SDK1: variants seen among roughly 807,000 people sequenced by gnomAD.
The protein encoded by SDK1 is protein sidekick-1.
Under a neutral mutation model 245.5 loss-of-function variants are expected in SDK1, and 157 were observed. The ratio of observed to expected loss-of-function variants is 0.64; its 90% confidence interval spans 0.56 to 0.73. SDK1 has a LOEUF of 0.73. Among genes scored for constraint, SDK1 ranks in the 30% least tolerant of loss-of-function variants. SDK1 has a pLI of 0.00. For synonymous variants in SDK1, 1,647 were observed against 1,278.5 expected (o/e 1.29, Z -6.15); for missense variants, 3,583 against 3,002.3 (o/e 1.19, Z -4.52).
At chr7:3,853,849 C>T (rs1006853614) in intron 5 of SDK1, among the ~76,000 whole-genome samples, 1 of 152,032 alleles carries the variant, frequency 6.6e-6, no homozygotes, top group Non-Finnish European at 1.5e-5. Context: ...ATTAGCTAGG[C>T]TTGGTGGCGC....
intron 40 of SDK1, among the ~76,000 whole-genome samples, chr7:4,223,992 G>A (rs559170839): frequency 3.9e-5 from 6 of 152,198 alleles, no homozygotes; most frequent in African/African-American, 9.6e-5. Flanking sequence ...CTGGGATAAC[G>A]GTGGCCACAG....
At chr7:3,912,436 G>A (rs1316257376) in intron 5 of SDK1, among the ~76,000 whole-genome samples, 4 of 152,232 alleles carry the variant, frequency 2.6e-5, no homozygotes, top group Non-Finnish European at 5.9e-5. Context: ...CAACACCAGC[G>A]TGCCACAGAG....
intron 19 of SDK1, among the ~76,000 whole-genome samples, chr7:4,062,828 C>T (rs1334317663): frequency 6.6e-6 from 1 of 152,186 alleles, no homozygotes; most frequent in African/African-American, 2.4e-5. Flanking sequence ...TGTGATACAT[C>T]ACTCCAACAT....
chr7:3,463,853 G>A (rs1780908088), intron 1 of SDK1, among the ~76,000 whole-genome samples: 1 of 152,146 alleles, frequency 6.6e-6, no homozygotes, highest in Non-Finnish European at 1.5e-5. Context: ...GGTGACTTTG[G>A]AACCTGAATT....
chr7:4,157,338 A>C (rs1780797696), intron 30 of SDK1, among the ~76,000 whole-genome samples: 1 of 147,838 alleles, frequency 6.8e-6, no homozygotes. Context: ...GAAGGGAGAG[A>C]AGGGAAGAAG....
intron 41 of SDK1, among the ~76,000 whole-genome samples, chr7:4,237,195 T>G (rs1562467414): frequency 1.3e-5 from 2 of 152,050 alleles, no homozygotes; most frequent in Non-Finnish European, 1.5e-5. Context: ...CCTGGCTGTT[T>G]TTTTGTTTTG....
chr7:3,795,258 A>AT (rs1005784425), intron 4 of SDK1, among the ~76,000 whole-genome samples: 17 of 151,400 alleles, frequency 1.1e-4, no homozygotes, highest in Middle Eastern at 3.4e-3. Context: ...TGTGGCTGTG[A>AT]TTTTTTTTTC....
intron 4 of SDK1, among the ~76,000 whole-genome samples, chr7:3,752,092 C>A (rs1210547474): frequency 6.6e-6 from 1 of 152,184 alleles, no homozygotes; most frequent in Non-Finnish European, 1.5e-5. Context: ...TAAACACTTT[C>A]TAAGTTACTG....
Position 4,122,418 on chromosome 7 carries a change from G to A in SDK1, c.3824-4963G>A, listed in dbSNP as rs958319780. 2.6e-5 allele frequency among the ~76,000 whole-genome samples: 4 copies of A among 152,122 alleles called. No homozygotes were observed. In the East Asian group the frequency reaches 7.7e-4, roughly 29 times the overall value. On this transcript the variant is annotated intron_variant, in intron 25 of 44. Transcript: ENST00000404826. ...GGATTGGAGAGAGAATAAAACAACT[G>A]CCTTTTGTCTGAAATAAGTCTCCCC...
intron 43 of SDK1, among the ~76,000 whole-genome samples, chr7:4,244,881 G>T (rs1031616887): frequency 3.3e-5 from 5 of 152,164 alleles, no homozygotes; most frequent in African/African-American, 7.2e-5. Context: ...GCCGCTCATG[G>T]TCCCCTGCCA....
intron 1 of SDK1, among the ~76,000 whole-genome samples, chr7:3,531,048 T>A (rs1383291787): frequency 1.3e-5 from 2 of 152,182 alleles, no homozygotes; most frequent in Admixed American, 1.3e-4. Context: ...TAACTCTGCT[T>A]CATATACCAG....
At chr7:3,981,929 G>A (rs958929240) in intron 13 of SDK1, among the ~76,000 whole-genome samples, 1 of 152,266 alleles carries the variant, frequency 6.6e-6, no homozygotes, top group Non-Finnish European at 1.5e-5. Flanking sequence ...GGTGGCTACA[G>A]TAACAAGAAA....
At chr7:4,067,123 T>G (rs1192909450) in intron 19 of SDK1, among the ~76,000 whole-genome samples, 1 of 152,238 alleles carries the variant, frequency 6.6e-6, no homozygotes, top group Non-Finnish European at 1.5e-5. Context: ...TTATTTTCCC[T>G]GCTTCACACA....
chr7:3,349,307 G>A (rs187531154), intron 1 of SDK1, among the ~76,000 whole-genome samples: 58 of 152,166 alleles, frequency 3.8e-4, no homozygotes, highest in African/African-American at 1.4e-3. Context: ...ACCCTTATTA[G>A]ACTGTGGTTC....
chr7:3,613,217 C>G (rs73298214), intron 1 of SDK1, among the ~76,000 whole-genome samples: 1 of 152,028 alleles, frequency 6.6e-6, no homozygotes, highest in Non-Finnish European at 1.5e-5. Flanking sequence ...TTAGGGAAGC[C>G]GGGGGACGCA....
chr7:4,260,589 T>G (rs1455321856), intron 44 of SDK1, among the ~76,000 whole-genome samples: 3 of 132,914 alleles, frequency 2.3e-5, no homozygotes, highest in East Asian at 2.4e-4. Flanking sequence ...GGGGCCTCTG[T>G]GTGTGTGGGA....
intron 1 of SDK1, among the ~76,000 whole-genome samples, chr7:3,554,086 A>C (rs957233741): frequency 2.6e-5 from 4 of 152,210 alleles, no homozygotes; most frequent in African/African-American, 9.6e-5. Context: ...AGAAGGTCTG[A>C]ACAACACAAT....
At position 3,408,779 on chromosome 7, in the gene SDK1, T is replaced by C. The variant is rs146585702; in HGVS notation, c.298+106895T>C. On this transcript the variant is annotated intron_variant, in intron 1 of 44. Coordinates refer to ENST00000404826, the MANE Select transcript of SDK1 (RefSeq NM_152744.4). ...AATATGCAGTTTGGAATCCTGCTGT[T>C]GGAACCTTATTTGCTTCTGTATGCT... Among the ~76,000 whole-genome samples the C allele has an allele frequency of 5.0e-3, 761 of 152,344 alleles. 11 individuals are homozygous for C. The highest frequency in any genetic ancestry group is 0.017 in the African/African-American group (720 of 41,582).
intron 1 of SDK1, among the ~76,000 whole-genome samples, chr7:3,520,205 G>C (rs1400455996): frequency 6.6e-6 from 1 of 152,136 alleles, no homozygotes; most frequent in Non-Finnish European, 1.5e-5. Flanking sequence ...ATAGTGATTT[G>C]TAAGTGACAT....
Sources: allele counts gnomAD v4.1 joint callset (sites outside exome capture counted in the v4.1 genomes callset), GRCh38; gene constraint gnomAD v4.1.1; transcripts MANE v1.5; gene names NCBI Gene and HGNC (gene_info 2026-07-23, HGNC 2026-07-21).